Variants in ERN2 observed in about 807,000 individuals in gnomAD.
ERN2 encodes the protein serine/threonine-protein kinase/endoribonuclease IRE2.
In ERN2, 111 loss-of-function variants were observed where a neutral mutation model predicts 107.9. That is an observed-to-expected ratio of 1.03 (90% CI 0.88 to 1.20). ERN2 has a LOEUF of 1.20. Among genes scored for constraint, ERN2 ranks in the 50% most tolerant of loss-of-function variants. The pLI is 0.00. For missense variants in ERN2, 1,225 were observed against 1,197.9 expected, an observed-to-expected ratio of 1.02 and a Z score of -0.33; for synonymous variants, 524 against 501.7, an observed-to-expected ratio of 1.04 and a Z score of -0.59.
At chr16:23,703,342 G>C (rs146910154) in intron 8 of ERN2, among the ~76,000 whole-genome samples, 5 of 151,972 alleles carry the variant, frequency 3.3e-5, no homozygotes, top group Non-Finnish European at 7.4e-5. Context: ...CAGTACCCAC[G>C]TGCTTCTAGA....
At chr16:23,703,183 A>G (rs1960159994) in intron 8 of ERN2, among the ~76,000 whole-genome samples, 1 of 152,152 alleles carries the variant, frequency 6.6e-6, no homozygotes, top group African/African-American at 2.4e-5. Flanking sequence ...TAGCTGATAC[A>G]TGTTCCATAG....
rs1202752509 is a variant in ERN2 at position 23,710,543 on chromosome 16, A to G, written c.206T>C (p.Val69Ala). ...TGTGACGTACATTGGTCCTTCGATG[A>G]CGGGATCTGCAGGGACAGGGACACA... ...DLKWTLRDDPVIEGPMYVTEM... is the reference protein window; with the variant it reads ...DLKWTLRDDPAIEGPMYVTEM... The change falls in exon 3 of 22, where the codon GTC (valine) becomes GCC (alanine). Residue 69 changes from valine to alanine, a missense_variant. By Grantham distance (64) the Val-to-Ala change is moderately conservative. Coordinates refer to ENST00000256797, the MANE Select transcript of ERN2 (RefSeq NM_033266.4). The G allele has an allele frequency of 5.6e-6, 9 of 1,614,182 alleles. No individual in the cohort carries two copies. Among genetic ancestry groups the G allele is most frequent in the Non-Finnish European group, 7.6e-6 (9 of 1,180,034 alleles).
chr16:23,706,935 A>T lies in ERN2; in HGVS notation c.379+72T>A, dbSNP rs1002899306. 12 of 1,576,508 alleles carry T rather than the reference A, an allele frequency of 7.6e-6. No individual in the cohort carries two copies. The Admixed American group carries it at 2.0e-4, about 26-fold the overall frequency. ...TGTGGCCCCGCCACTCTTGTGCCTA[A>T]TTAGCCGTCACGACTTAGATCCCTG... On this transcript the variant is annotated intron_variant, in intron 5 of 21. Coordinates refer to ENST00000256797, the MANE Select transcript of ERN2 (RefSeq NM_033266.4).
chr16:23,691,303 T>C lies in ERN2; in HGVS notation c.2499A>G (p.Thr833=). 1 of 1,610,984 alleles carries C rather than the reference T, an allele frequency of 6.2e-7. No individual in the cohort carries two copies. Residue 833 remains threonine, a splice_region_variant and synonymous_variant, in exon 20 of 22, where the codon ACA becomes ACG. Coordinates refer to ENST00000256797, the MANE Select transcript of ERN2 (RefSeq NM_033266.4). ...WHEHISMPLQ[T]DLRKFRSYKG... ...GGCCCACCTGAGTATGGCCTCTACC[T>C]GTCTGCAGCGGCATGGAGATGTGCT... is the stretch of plus-strand genomic sequence containing the variant.
intron 4 of ERN2, among the ~76,000 whole-genome samples, chr16:23,707,841 C>T (rs1189367922): frequency 6.6e-6 from 1 of 152,250 alleles, no homozygotes; most frequent in Non-Finnish European, 1.5e-5. Context: ...GAGAGACTCA[C>T]AGAAGTGAAG....
Position 23,705,046 on chromosome 16 carries a change from C to T in ERN2, c.691G>A (p.Gly231Ser). 6.2e-7 allele frequency: 1 copy of T among 1,614,004 alleles called. No individual in the cohort carries two copies. The change falls in exon 8 of 22, where the codon GGC (glycine) becomes AGC (serine). Residue 231 changes from glycine to serine, a missense_variant. Coordinates refer to ENST00000256797, the MANE Select transcript of ERN2 (RefSeq NM_033266.4). ...WTQDLGVPVMGVYTWHQDGLR... is the reference protein window; with the variant it reads ...WTQDLGVPVMSVYTWHQDGLR... ...CCGTCCTGGTGCCAGGTGTAGACGCCCATCACAGGCACGCCCAGGTCCTGT... is the reference window on the plus strand; with the variant it reads ...CCGTCCTGGTGCCAGGTGTAGACGCTCATCACAGGCACGCCCAGGTCCTGT...
At chr16:23,704,739 T>A in intron 8 of ERN2, 144 bp downstream of exon 8, 1 of 954,970 alleles carries the variant, frequency 1.0e-6, no homozygotes, top group Non-Finnish European at 1.6e-6. Flanking sequence ...ACCAACCAGT[T>A]GGGTAAGTAA....
In ERN2 at chr16:23,713,165, G is replaced by A. The variant is rs779146919; in HGVS notation, c.23C>T (p.Ser8Leu). The A allele has an allele frequency of 5.1e-6, 8 of 1,574,390 alleles. No homozygotes were observed. Among genetic ancestry groups the A allele is most frequent in the Non-Finnish European group, 6.0e-6 (7 of 1,166,398 alleles). Residue 8 changes from serine to leucine, a missense_variant, in exon 1 of 22, where the codon TCG (serine) becomes TTG (leucine). Physicochemically the swap from Ser to Leu is moderately radical, Grantham distance 145. Coordinates refer to ENST00000256797, the MANE Select transcript of ERN2 (RefSeq NM_033266.4). ...GAGCCCCAGCCGGGGCCACGGCCTC[G>A]ACCCCCTGACCGCACTCGCCATAGC... Reference protein sequence around the residue: MASAVRGSRPWPRLGLQL... With the variant: MASAVRGLRPWPRLGLQL...
Position 23,692,232 on chromosome 16 carries a change from T to A in ERN2, c.2200A>T (p.Ile734Phe). ...GCCAGACAGGGAGCCCCTGTGAGGA[T>A]GTTTGCCTGGCGATAAAGACTGTCT... The part of the protein sequence containing the change: ...FGDSLYRQAN[I>F]LTGAPCLAHL... Residue 734 changes from isoleucine to phenylalanine, a missense_variant, in exon 18 of 22, where the codon ATC becomes TTC. Physicochemically the swap from Ile to Phe is conservative, Grantham distance 21 (BLOSUM62 0). Transcript: ENST00000256797. 6.2e-7 allele frequency: 1 copy of A among 1,614,128 alleles called. No individual in the cohort carries two copies. Among genetic ancestry groups the A allele is most frequent in the Non-Finnish European group, 8.5e-7 (1 of 1,180,016 alleles).
In ERN2 at chr16:23,700,669, G is replaced by C. The variant is rs762360074; in HGVS notation, c.1395C>G (p.Thr465=). Residue 465 remains threonine, a synonymous_variant, in exon 13 of 22, where the codon ACC becomes ACG. Transcript: ENST00000256797. ...QPQVVEKQQE[T]PLAPADFAHI... ...GAGCAAAGTCTGCAGGTGCCAGGGGGGTCTCCTGCTGCTTCTCCACCACCT... is the reference window on the plus strand; with the variant it reads ...GAGCAAAGTCTGCAGGTGCCAGGGGCGTCTCCTGCTGCTTCTCCACCACCT... 7 of 1,613,756 alleles carry C rather than the reference G, an allele frequency of 4.3e-6. No homozygotes were observed. Among genetic ancestry groups the C allele is most frequent in the Non-Finnish European group, 5.9e-6 (7 of 1,179,858 alleles).
intron 8 of ERN2, among the ~76,000 whole-genome samples, chr16:23,703,956 G>T (rs897228885): frequency 6.6e-6 from 1 of 151,986 alleles, no homozygotes; most frequent in Non-Finnish European, 1.5e-5. Flanking sequence ...TCACATATCT[G>T]TCTCTCCCAT....
chr16:23,701,124 A>G lies in ERN2; in HGVS notation c.1204-10T>C. 6.2e-7 allele frequency: 1 copy of G among 1,611,552 alleles called. No individual in the cohort carries two copies. Among genetic ancestry groups the G allele is most frequent in the Non-Finnish European group, 8.5e-7 (1 of 1,179,026 alleles). On this transcript the variant is annotated splice_polypyrimidine_tract_variant and intron_variant, in intron 11 of 21. Transcript: ENST00000256797. Reference sequence around the variant, plus strand: ...GGCTCAGGCTCAATAGCTGGGGATAAAGGGCCCTTCACTTTTAGCACCCCC... The same window carrying G: ...GGCTCAGGCTCAATAGCTGGGGATAGAGGGCCCTTCACTTTTAGCACCCCC...
intron 6 of ERN2, 45 bp from the exon 7 acceptor site, chr16:23,706,476 C>T (rs1349608108): frequency 2.9e-6 from 4 of 1,384,578 alleles, no homozygotes; most frequent in South Asian, 2.5e-5. Context: ...CCATTTGATG[C>T]TCCCTCCAAC....
chr16:23,705,235 G>A (rs1194629505), intron 7 of ERN2, 88 bp from the exon 8 acceptor site: 8 of 1,439,530 alleles, frequency 5.6e-6, no homozygotes, highest in Non-Finnish European at 2.9e-6. Context: ...GGTCAGTCTG[G>A]TGTGTGGAGA....
intron 4 of ERN2, 177 bp downstream of exon 4, chr16:23,709,995 C>A (rs986586083): frequency 1.2e-5 from 7 of 591,046 alleles, no homozygotes; most frequent in African/African-American, 1.1e-4. Flanking sequence ...ACAGCCAGAC[C>A]TCCCCTTACC....
At position 23,695,496 on chromosome 16, in the gene ERN2, C is replaced by T. The variant is rs893108197; in HGVS notation, c.1611-107G>A. 6.3e-6 allele frequency: 7 copies of T among 1,106,982 alleles called. No individual in the cohort carries two copies. In the East Asian group the frequency reaches 7.8e-5, roughly 12 times the overall value. 68.6% of individuals were successfully genotyped at this position (1,106,982 alleles called of 1,614,324 possible). On this transcript the variant is annotated intron_variant, in intron 14 of 21. Transcript: ENST00000256797. ...ATCCTAGCACTTTGGGAGGCCAAGG[C>T]GGGCGGGTCACTTGAGGTCAGGAGT...
chr16:23,706,714 G>T, intron 6 of ERN2, 40 bp downstream of exon 6: 2 of 1,390,718 alleles, frequency 1.4e-6, no homozygotes, highest in Non-Finnish European at 2.0e-6. Flanking sequence ...CAAAAGGGGA[G>T]GCTGCCCAGA....
chr16:23,705,259 T>C, intron 7 of ERN2, 112 bp from the exon 8 acceptor site: 1 of 1,151,546 alleles, frequency 8.7e-7, no homozygotes. Context: ...CATGGAGGGT[T>C]ATCTGGACAT....
chr16:23,709,297 TA>T (rs1269367646), intron 4 of ERN2: 3 of 356,568 alleles, frequency 8.4e-6, no homozygotes, highest in African/African-American at 2.2e-5. Context: ...ATGCTGTCTT[TA>T]AAAAATTTGT....
Sources: allele counts gnomAD v4.1 joint callset (sites outside exome capture counted in the v4.1 genomes callset), GRCh38; gene constraint gnomAD v4.1.1; transcripts MANE v1.5; gene names NCBI Gene and HGNC (gene_info 2026-07-23, HGNC 2026-07-21).